SEMA3A: variants seen among roughly 807,000 people sequenced by gnomAD.
SEMA3A encodes the protein semaphorin-3A.
A neutral mutation model predicts 97.9 loss-of-function variants in SEMA3A; 29 were observed. That is an observed-to-expected ratio of 0.30 (90% CI 0.22 to 0.40). The LOEUF (loss-of-function observed/expected upper bound fraction) is 0.40, where lower values mean the gene tolerates loss of function less well. SEMA3A is among the 10% of genes least tolerant of loss of function. The pLI is 1.00. For missense variants in SEMA3A, 763 were observed against 951.3 expected (o/e 0.80, Z 2.60); for synonymous variants, 321 against 323.7 (o/e 0.99, Z 0.09).
intron 2 of SEMA3A, among the ~76,000 whole-genome samples, chr7:84,133,053 C>A (rs1458854756): frequency 6.6e-6 from 1 of 151,962 alleles, no homozygotes; most frequent in Non-Finnish European, 1.5e-5. Flanking sequence ...ATGATATTTT[C>A]AAAAGACTAA....
intron 1 of SEMA3A, among the ~76,000 whole-genome samples, chr7:84,465,169 A>C (rs1030884069): frequency 1.3e-5 from 2 of 152,184 alleles, no homozygotes; most frequent in African/African-American, 4.8e-5. Context: ...TATCAGTTTC[A>C]TGTATATTAA....
intron 1 of SEMA3A, among the ~76,000 whole-genome samples, chr7:84,441,900 C>G (rs79927264): frequency 0.015 from 2,302 of 152,122 alleles, 63 homozygotes; most frequent in African/African-American, 0.052. Context: ...AAAAAACAAA[C>G]AAAACAAAAC....
chr7:83,981,517 G>T, intron 13 of SEMA3A, 39 bp from the exon 14 acceptor site: 1 of 1,482,784 alleles, frequency 6.7e-7, no homozygotes. Context: ...AAACTATCTT[G>T]TCTTTTAAAT....
At chr7:84,429,956 G>A (rs1015346581) in intron 1 of SEMA3A, among the ~76,000 whole-genome samples, 2 of 151,694 alleles carry the variant, frequency 1.3e-5, no homozygotes, top group Non-Finnish European at 2.9e-5. Context: ...GGAGCTTTAC[G>A]CTGTTGCAAA....
intron 1 of SEMA3A, among the ~76,000 whole-genome samples, chr7:84,398,444 A>G (rs905994665): frequency 6.6e-6 from 1 of 152,152 alleles, no homozygotes; most frequent in Non-Finnish European, 1.5e-5. Context: ...CTTCAAACAC[A>G]TCACCCTCCT....
intron 2 of SEMA3A, among the ~76,000 whole-genome samples, chr7:84,327,169 T>C (rs1025758544): frequency 1.3e-5 from 2 of 152,030 alleles, no homozygotes; most frequent in African/African-American, 4.8e-5. Flanking sequence ...CTACTCTTAA[T>C]AGATTCACAA....
At chr7:84,014,135 AG>A (rs1282386745) in intron 7 of SEMA3A, 73 bp downstream of exon 7, 1 of 1,295,044 alleles carries the variant, frequency 7.7e-7, no homozygotes, top group African/African-American at 1.5e-5. Context: ...ATATGCACAC[AG>A]GTAGAAAATT....
chr7:84,090,997 A>G (rs62477294), intron 4 of SEMA3A, among the ~76,000 whole-genome samples: 60,562 of 148,788 alleles, frequency 0.41, 14,142 homozygotes, highest in Non-Finnish European at 0.52. Context: ...AACCCGGGAG[A>G]CAGAGTTTGC....
intron 3 of SEMA3A, among the ~76,000 whole-genome samples, chr7:84,121,361 TC>T (rs1795609289): frequency 7.4e-6 from 1 of 134,744 alleles, no homozygotes; most frequent in South Asian, 2.7e-4. Flanking sequence ...CCCTCCCCAC[TC>T]CCCCCACCCC....
Position 83,980,623 on chromosome 7 carries a change from A to ACAAAACAAAACAAAATATATAT in SEMA3A, c.1652+697_1652+698insATATATATTTTGTTTTGTTTTG, listed in dbSNP as rs1554383377. Among the ~76,000 whole-genome samples the ACAAAACAAAACAAAATATATAT allele has an allele frequency of 4.2e-4, 30 of 71,758 alleles. 1 individual carries two copies. Among genetic ancestry groups the ACAAAACAAAACAAAATATATAT allele is most frequent in the African/African-American group, 2.3e-3 (28 of 12,036 alleles). The allele number at this position is 71,758 out of a possible 152,430, so 47.1% of individuals were successfully genotyped here. On this transcript the variant is annotated intron_variant, in intron 14 of 16. Coordinates refer to ENST00000265362, the MANE Select transcript of SEMA3A (RefSeq NM_006080.3). The stretch of plus-strand genomic sequence containing the variant: ...CATCTCAAAAAAAAAAAAAAAAAAA[A>ACAAAACAAAACAAAATATATAT]ATATATATATATATATACACACACA...
intron 2 of SEMA3A, among the ~76,000 whole-genome samples, chr7:84,325,904 C>A (rs755693431): frequency 4.8e-4 from 73 of 152,038 alleles, no homozygotes; most frequent in Non-Finnish European, 8.8e-4. Flanking sequence ...GCCAACATCT[C>A]CCCATTTCCC....
rs76715633 is a variant in SEMA3A at position 84,164,672 on chromosome 7, T to C, written c.113-29721A>G. Among the ~76,000 whole-genome samples, 1,445 of 152,306 alleles carry C rather than the reference T, an allele frequency of 9.5e-3. 26 individuals carry two copies. Among genetic ancestry groups the C allele is most frequent in the African/African-American group, 0.033 (1,360 of 41,558 alleles). Reference sequence around the variant, plus strand: ...GTTTACAGTGAGAAAATGTATGTTATGTATAAATTGCATGTAGTAAATCAC... The same window carrying C: ...GTTTACAGTGAGAAAATGTATGTTACGTATAAATTGCATGTAGTAAATCAC... On this transcript the variant is annotated intron_variant, in intron 1 of 16. Coordinates refer to ENST00000265362, the MANE Select transcript of SEMA3A (RefSeq NM_006080.3).
chr7:84,389,453 G>A (rs2116168345), intron 1 of SEMA3A, among the ~76,000 whole-genome samples: 1 of 151,768 alleles, frequency 6.6e-6, no homozygotes, highest in South Asian at 2.1e-4. Flanking sequence ...TCCCCTTTTT[G>A]ATTTTCAAGT....
chr7:83,975,385 A>G (rs1010970140), intron 15 of SEMA3A, among the ~76,000 whole-genome samples: 1 of 152,176 alleles, frequency 6.6e-6, no homozygotes, highest in Non-Finnish European at 1.5e-5. Context: ...CAATTGATTA[A>G]TTCATAATGA....
chr7:84,068,055 A>C (rs2115736870), intron 4 of SEMA3A, among the ~76,000 whole-genome samples: 1 of 123,242 alleles, frequency 8.1e-6, no homozygotes, highest in South Asian at 3.1e-4. Flanking sequence ...TGGATTAAGA[A>C]AATGTGGCAC....
chr7:84,321,227 C>G (rs181769881), intron 2 of SEMA3A, among the ~76,000 whole-genome samples: 1 of 152,270 alleles, frequency 6.6e-6, no homozygotes, highest in African/African-American at 2.4e-5. Context: ...TTGGTTAACT[C>G]TAACTGTATC....
intron 3 of SEMA3A, among the ~76,000 whole-genome samples, chr7:84,223,836 T>C (rs908078316): frequency 6.6e-6 from 1 of 151,984 alleles, no homozygotes; most frequent in African/African-American, 2.4e-5. Flanking sequence ...CTGAACCCAG[T>C]TGCAGAGTTC....
intron 4 of SEMA3A, among the ~76,000 whole-genome samples, chr7:84,098,647 G>C (rs1167355504): frequency 1.3e-5 from 2 of 152,126 alleles, no homozygotes; most frequent in African/African-American, 4.8e-5. Flanking sequence ...CTACTTTCAA[G>C]AAGGTTCTTG....
chr7:84,026,258 C>G (rs962696710), intron 6 of SEMA3A, among the ~76,000 whole-genome samples: 1 of 152,196 alleles, frequency 6.6e-6, no homozygotes, highest in African/African-American at 2.4e-5. Context: ...ATCTCTTATT[C>G]AACCCTGACT....
Sources: gnomAD v4.1 joint callset for allele counts (sites outside exome capture counted in the v4.1 genomes callset) on GRCh38, gnomAD v4.1.1 for gene constraint, MANE v1.5 for transcripts, NCBI Gene and HGNC (gene_info 2026-07-23, HGNC 2026-07-21) for gene names.